The following NEDD4 variants were observed in gnomAD, a reference collection of about 807,000 sequenced individuals.
NEDD4 encodes NEDD4 E3 ubiquitin protein ligase.
Under a neutral mutation model 144.9 loss-of-function variants are expected in NEDD4, and 99 were observed. The ratio of observed to expected loss-of-function variants is 0.68; its 90% CI spans 0.58 to 0.81. The LOEUF is 0.81. NEDD4 is among the 30% of genes least tolerant of loss of function. NEDD4 has a pLI of 0.00. For synonymous variants in NEDD4, 318 were observed against 350.6 expected (o/e 0.91, Z 1.04); for missense variants, 985 against 1,065.9 (o/e 0.92, Z 1.06).
intron 1 of NEDD4, among the ~76,000 whole-genome samples, chr15:55,968,461 T>G (rs1205789236): frequency 6.6e-6 from 1 of 152,304 alleles, no homozygotes; most frequent in East Asian, 1.9e-4. Context: ...GGGGATATTT[T>G]AGATACTTCT....
At chr15:55,870,526 CTTCTT>C (rs150824112) in intron 7 of NEDD4, among the ~76,000 whole-genome samples, 15,719 of 95,968 alleles carry the variant, frequency 0.16, 810 homozygotes, top group East Asian at 0.41. Context: ...TCTTCTTCTT[CTTCTT>C]TTTTTTTTTT....
chr15:55,902,974 C>CGA (rs2035959393), intron 5 of NEDD4, among the ~76,000 whole-genome samples: 1 of 151,940 alleles, frequency 6.6e-6, no homozygotes, highest in Non-Finnish European at 1.5e-5. Flanking sequence ...GCATTCCAGC[C>CGA]TGGGTGACAG....
rs898919237 is a variant in NEDD4 at position 55,848,291 on chromosome 15, G to C, written c.1542+81C>G. Reference sequence around the variant, plus strand: ...ATGTGCTTTCCTCTCAATGCCTGTAGGGTTATGCCCGTGACTATCTGCTCT... The same window carrying C: ...ATGTGCTTTCCTCTCAATGCCTGTACGGTTATGCCCGTGACTATCTGCTCT... On this transcript the variant is annotated intron_variant, in intron 17 of 28. Coordinates refer to ENST00000435532, the MANE Select transcript of NEDD4 (RefSeq NM_006154.4). 7.5e-6 allele frequency: 10 copies of C among 1,330,556 alleles called. No individual in the cohort carries two copies. The African/African-American group carries it at 1.4e-4, about 19-fold the overall frequency. 82.4% of individuals were successfully genotyped at this position (1,330,556 alleles called of 1,614,324 possible).
intron 4 of NEDD4, among the ~76,000 whole-genome samples, chr15:55,930,358 T>C (rs564679093): frequency 6.6e-6 from 1 of 152,310 alleles, no homozygotes; most frequent in East Asian, 1.9e-4. Flanking sequence ...CTCATGTATC[T>C]AGAATGGTAC....
At chr15:55,913,529 T>C (rs1381927368) in intron 5 of NEDD4, among the ~76,000 whole-genome samples, 11 of 152,108 alleles carry the variant, frequency 7.2e-5, no homozygotes, top group African/African-American at 2.6e-4. Flanking sequence ...CTAATAAACA[T>C]TAAACGGGGG....
intron 1 of NEDD4, among the ~76,000 whole-genome samples, chr15:55,967,470 GT>G (rs2037534397): frequency 6.6e-6 from 1 of 150,502 alleles, no homozygotes; most frequent in Non-Finnish European, 1.5e-5. Context: ...GTGTGTGTGT[GT>G]GTGTATGTGT....
In NEDD4 at chr15:55,921,723, A is replaced by G. The variant is rs182744586; in HGVS notation, c.291+2923T>C. 7.6e-4 allele frequency among the ~76,000 whole-genome samples: 115 copies of G among 152,306 alleles called. 1 individual carries two copies. The Middle Eastern group carries it at 0.01, about 14-fold the overall frequency. On this transcript the variant is annotated intron_variant, in intron 5 of 28. Coordinates refer to ENST00000435532, the MANE Select transcript of NEDD4 (RefSeq NM_006154.4). ...ATATTTATCCATCTATAAATATCCA[A>G]CTGTTAATATCAAAGGCAATACTTT...
In NEDD4 at chr15:55,843,568, A is replaced by G. The variant is rs370348851; in HGVS notation, c.1609-1405T>C. ...GGGCAAATTTCCAGGGGAAACCAGTAAGAGAAAACATGCCATCAATATTCT... is the reference window on the plus strand; with the variant it reads ...GGGCAAATTTCCAGGGGAAACCAGTGAGAGAAAACATGCCATCAATATTCT... On this transcript the variant is annotated intron_variant, in intron 18 of 28. Transcript: ENST00000435532. Among the ~76,000 whole-genome samples, 5 of 152,342 alleles carry G rather than the reference A, an allele frequency of 3.3e-5. No homozygotes were observed. In the East Asian group the frequency reaches 9.6e-4, roughly 29 times the overall value.
At chr15:55,906,471 T>C (rs2036098875) in intron 5 of NEDD4, among the ~76,000 whole-genome samples, 1 of 152,206 alleles carries the variant, frequency 6.6e-6, no homozygotes, top group African/African-American at 2.4e-5. Flanking sequence ...GATGAGTTCA[T>C]GTCCTCTGTA....
At chr15:55,839,821 C>CA (rs1201817099) in intron 21 of NEDD4, among the ~76,000 whole-genome samples, 1 of 150,396 alleles carries the variant, frequency 6.6e-6, no homozygotes, top group Non-Finnish European at 1.5e-5. Context: ...ACTAAATATA[C>CA]AAAAATTAGC....
chr15:55,893,645 G>A (rs2035642186), intron 5 of NEDD4, among the ~76,000 whole-genome samples: 1 of 150,962 alleles, frequency 6.6e-6, no homozygotes, highest in South Asian at 2.1e-4. Flanking sequence ...TCGCACATGA[G>A]TGTCTCAGAA....
intron 5 of NEDD4, among the ~76,000 whole-genome samples, chr15:55,918,401 C>T (rs2036504912): frequency 6.6e-6 from 1 of 151,858 alleles, no homozygotes; most frequent in Non-Finnish European, 1.5e-5. Context: ...TATTTAAACC[C>T]CTCACCTAAA....
At chr15:55,903,845 CATAT>C (rs34829007) in intron 5 of NEDD4, among the ~76,000 whole-genome samples, 6,489 of 122,116 alleles carry the variant, frequency 0.053, 278 homozygotes, top group African/African-American at 0.089. Flanking sequence ...AAAAAACACA[CATAT>C]ATATATATAT....
intron 1 of NEDD4, chr15:55,988,089 G>C (rs1366902836): frequency 6.7e-6 from 1 of 149,114 alleles, no homozygotes; most frequent in Non-Finnish European, 1.5e-5. Flanking sequence ...GTCCAACAAT[G>C]ATAGACTGGA....
Position 55,860,774 on chromosome 15 carries a change from T to G in NEDD4, c.679A>C (p.Asn227His). 6.2e-7 allele frequency: 1 copy of G among 1,613,670 alleles called. No homozygotes were observed. The change falls in exon 10 of 29, where the codon AAC becomes CAC. Residue 227 changes from asparagine to histidine, a missense_variant. Coordinates refer to ENST00000435532, the MANE Select transcript of NEDD4 (RefSeq NM_006154.4). ...TTGCCATTCTCAGCATCTGTTAGGT[T>G]GTCCCTATATTGGAAGTATAAAAAG... ...TQWKRPTPQDNLTDAENGNIQ... is the reference protein window; with the variant it reads ...TQWKRPTPQDHLTDAENGNIQ...
At chr15:55,896,260 C>A (rs2035735730) in intron 5 of NEDD4, among the ~76,000 whole-genome samples, 1 of 152,204 alleles carries the variant, frequency 6.6e-6, no homozygotes, top group South Asian at 2.1e-4. Context: ...TGGCTCACTG[C>A]AACCTCCACC....
At chr15:55,932,812 C>G (rs1305390770) in intron 4 of NEDD4, among the ~76,000 whole-genome samples, 1 of 151,500 alleles carries the variant, frequency 6.6e-6, no homozygotes, top group Non-Finnish European at 1.5e-5. Context: ...AGAACTTAAA[C>G]AAATTTACAA....
chr15:55,933,414 C>G (rs1337995960), intron 4 of NEDD4, among the ~76,000 whole-genome samples: 1 of 151,506 alleles, frequency 6.6e-6, no homozygotes, highest in African/African-American at 2.4e-5. Flanking sequence ...TCATTCTGAG[C>G]AAACTATCAC....
chr15:55,968,006 A>T lies in NEDD4; in HGVS notation c.46-1460T>A, dbSNP rs113900813. Reference sequence around the variant, plus strand: ...TGACAGAGCAAGACCTTATTTTAAAAAATTTATAAAATATTGAAGAATGTA... The same window carrying T: ...TGACAGAGCAAGACCTTATTTTAAATAATTTATAAAATATTGAAGAATGTA... On this transcript the variant is annotated intron_variant, in intron 1 of 28. Transcript: ENST00000435532. Among the ~76,000 whole-genome samples, 7 of 152,334 alleles carry T rather than the reference A, an allele frequency of 4.6e-5. 1 individual carries two copies. Among genetic ancestry groups the T allele is most frequent in the African/African-American group, 1.7e-4 (7 of 41,594 alleles).
Sources: gnomAD v4.1 joint callset for allele counts (sites outside exome capture counted in the v4.1 genomes callset) on GRCh38, gnomAD v4.1.1 for gene constraint, MANE v1.5 for transcripts, NCBI Gene and HGNC (gene_info 2026-07-23, HGNC 2026-07-21) for gene names.